The following ICA1 variants were observed in gnomAD, a reference collection of about 807,000 sequenced individuals.
ICA1 encodes the protein 69 kDa islet cell autoantigen.
Under a neutral mutation model 71.0 loss-of-function variants are expected in ICA1, and 40 were observed. That is an observed-to-expected ratio of 0.56 (90% CI 0.44 to 0.73). ICA1 has a LOEUF of 0.73. ICA1 is among the 30% of genes least tolerant of loss of function. The probability of loss-of-function intolerance (pLI) is 0.00; values close to 1 mark genes in which losing one functional copy is unlikely to be tolerated. For synonymous variants in ICA1, 207 were observed against 209.5 expected, an observed-to-expected ratio of 0.99 and a Z score of 0.10; for missense variants, 578 against 576.5, an observed-to-expected ratio of 1.00 and a Z score of -0.03.
intron 6 of ICA1, among the ~76,000 whole-genome samples, chr7:8,213,660 T>G (rs1794540057): frequency 6.6e-6 from 1 of 152,180 alleles, no homozygotes; most frequent in South Asian, 2.1e-4. Context: ...ACTGTCAAAT[T>G]AATTAACCCA....
chr7:8,134,847 A>C (rs915602830), intron 12 of ICA1, among the ~76,000 whole-genome samples: 2 of 152,104 alleles, frequency 1.3e-5, no homozygotes, highest in African/African-American at 4.8e-5. Context: ...AAAACAAAAC[A>C]AAAAACAAAC....
At chr7:8,157,031 T>C (rs780462673) in intron 8 of ICA1, 85 bp downstream of exon 8, 35 of 1,610,762 alleles carry the variant, frequency 2.2e-5, no homozygotes, top group Middle Eastern at 1.6e-4. Flanking sequence ...GGAATAATGA[T>C]GCTTTCTGCA....
chr7:8,188,234 A>ATC (rs1784484341), intron 6 of ICA1, among the ~76,000 whole-genome samples: 1 of 152,224 alleles, frequency 6.6e-6, no homozygotes, highest in Non-Finnish European at 1.5e-5. Flanking sequence ...ATACTTTGAG[A>ATC]GTACAGGAAA....
chr7:8,186,969 G>T (rs760314279), intron 6 of ICA1, among the ~76,000 whole-genome samples: 1 of 152,322 alleles, frequency 6.6e-6, no homozygotes, highest in African/African-American at 2.4e-5. Context: ...TGGGCAACAA[G>T]AATGTTTATG....
intron 13 of ICA1, 141 bp downstream of exon 13, chr7:8,127,731 GT>G (rs1789816255): frequency 3.5e-6 from 3 of 853,350 alleles, no homozygotes; most frequent in African/African-American, 1.7e-5. Flanking sequence ...AAGTTGGAAT[GT>G]GATTCTGAGT....
Position 8,141,797 on chromosome 7 carries a change from T to C in ICA1, c.923A>G (p.Glu308Gly). ...EPSQLISLEE[E>G]NQRKESSSFK... ...ACTAGAGGATTCCTTGCGCTGGTTTTCTTCCTCTAATGAAATTAATCTTAA... is the reference window on the plus strand; with the variant it reads ...ACTAGAGGATTCCTTGCGCTGGTTTCCTTCCTCTAATGAAATTAATCTTAA... The change falls in exon 10 of 14, where the codon GAA becomes GGA. Residue 308 changes from glutamate to glycine, a missense_variant. Coordinates refer to ENST00000402384, the MANE Select transcript of ICA1 (RefSeq NM_001136020.3). 6.4e-7 allele frequency: 1 copy of C among 1,571,692 alleles called. No homozygotes were observed. Among genetic ancestry groups the C allele is most frequent in the African/African-American group, 1.4e-5 (1 of 73,752 alleles).
rs1271340853 is a variant in ICA1 at position 8,128,116 on chromosome 7, G to A, written c.1087C>T (p.Pro363Ser). The change falls in exon 13 of 14, where the codon CCG becomes TCG. Residue 363 changes from proline (P) to serine (S), a missense_variant. Transcript: ENST00000402384. Reference sequence around the variant, plus strand: ...TCTTTGTCAGCACCTTCAGGTTCCGGGGTCCCTGCCACTGGTCCCAGGCAA... The same window carrying A: ...TCTTTGTCAGCACCTTCAGGTTCCGAGGTCCCTGCCACTGGTCCCAGGCAA... The part of the protein sequence containing the change: ...GACLGPVAGT[P>S]EPEGADKDDL... 1.2e-6 allele frequency: 2 copies of A among 1,614,162 alleles called. No homozygotes were observed. The highest frequency in any genetic ancestry group is 2.2e-5 in the South Asian group (2 of 91,082).
intron 6 of ICA1, among the ~76,000 whole-genome samples, chr7:8,217,622 A>G (rs984587121): frequency 6.6e-6 from 1 of 152,190 alleles, no homozygotes; most frequent in Non-Finnish European, 1.5e-5. Flanking sequence ...CACAACAAAA[A>G]TCTCGCTGCA....
intron 12 of ICA1, among the ~76,000 whole-genome samples, chr7:8,133,082 G>A (rs115865908): frequency 0.047 from 7,123 of 152,200 alleles, 197 homozygotes; most frequent in Middle Eastern, 0.075. Flanking sequence ...ACCCATTCAT[G>A]GATTAATGAA....
intron 1 of ICA1, among the ~76,000 whole-genome samples, chr7:8,255,446 A>G (rs1347703144): frequency 6.6e-6 from 1 of 152,114 alleles, no homozygotes; most frequent in Non-Finnish European, 1.5e-5. Context: ...TCTGCATCTC[A>G]AATATCAGTA....
At chr7:8,119,426 C>T (rs183147843) in intron 13 of ICA1, among the ~76,000 whole-genome samples, 171 of 152,270 alleles carry the variant, frequency 1.1e-3, no homozygotes, top group African/African-American at 3.9e-3. Context: ...ATGACATGAA[C>T]GCATTCCTAA....
At chr7:8,252,572 G>A (rs938912346) in intron 1 of ICA1, among the ~76,000 whole-genome samples, 27 of 151,946 alleles carry the variant, frequency 1.8e-4, no homozygotes, top group Non-Finnish European at 2.9e-4. Flanking sequence ...ATTCAGATGA[G>A]CTCTAAATGT....
chr7:8,175,138 C>T (rs1024604913), intron 6 of ICA1, among the ~76,000 whole-genome samples: 5 of 151,620 alleles, frequency 3.3e-5, no homozygotes, highest in African/African-American at 7.3e-5. Context: ...GGGGATAAAG[C>T]GGGGAGGGGC....
In ICA1 at chr7:8,229,607, G is replaced by T. The variant is rs374698406; in HGVS notation, c.184-934C>A. ...ATGGTGGTGCAGAAATTATATATTG[G>T]TATCATAAAGCACTTCTACATTTGC... On this transcript the variant is annotated intron_variant, in intron 3 of 13. Coordinates refer to ENST00000402384, the MANE Select transcript of ICA1 (RefSeq NM_001136020.3). Among the ~76,000 whole-genome samples the T allele has an allele frequency of 4.6e-5, 7 of 152,248 alleles. No individual in the cohort carries two copies. The East Asian group carries it at 1.3e-3, about 29-fold the overall frequency.
intron 6 of ICA1, among the ~76,000 whole-genome samples, chr7:8,216,584 C>CAAAAAAAAAAAAAAAAAAAAAAAAAA (rs142208758): frequency 1.4e-5 from 2 of 143,658 alleles, no homozygotes; most frequent in Non-Finnish European, 3.0e-5. Context: ...AAAACAAAAC[C>CAAAAAAAAAAAAAAAAAAAAAAAAAA]AAAAAAAAAA....
At chr7:8,155,474 G>A (rs1381505357) in intron 8 of ICA1, among the ~76,000 whole-genome samples, 2 of 152,170 alleles carry the variant, frequency 1.3e-5, no homozygotes, top group African/African-American at 4.8e-5. Context: ...GTTCTTCCAT[G>A]CTTGTGGCAC....
At chr7:8,198,155 C>T (rs558263508) in intron 6 of ICA1, among the ~76,000 whole-genome samples, 11 of 152,230 alleles carry the variant, frequency 7.2e-5, no homozygotes, top group African/African-American at 2.6e-4. Context: ...ATAAATGTTA[C>T]CCATTGTCAC....
chr7:8,199,494 T>A (rs1352467079), intron 6 of ICA1, among the ~76,000 whole-genome samples: 1 of 152,160 alleles, frequency 6.6e-6, no homozygotes, highest in Admixed American at 6.5e-5. Flanking sequence ...GCGGATCACT[T>A]GAGGTCAGGA....
intron 8 of ICA1, chr7:8,156,591 T>C (rs1451943642): frequency 5.5e-6 from 2 of 362,238 alleles, no homozygotes; most frequent in Non-Finnish European, 9.7e-6. Context: ...ATACTGCTTT[T>C]TCAATTAGAA....
Sources: allele counts gnomAD v4.1 joint callset (sites outside exome capture counted in the v4.1 genomes callset), GRCh38; gene constraint gnomAD v4.1.1; transcripts MANE v1.5; gene names NCBI Gene and HGNC (gene_info 2026-07-23, HGNC 2026-07-21).